Variants in PLXNA4 observed in about 807,000 individuals in gnomAD.
PLXNA4 encodes plexin A4.
PLXNA4 carries 44 observed loss-of-function variants against 191.8 expected under a neutral mutation model. The observed-to-expected ratio is 0.23, with a 90% confidence interval of 0.18 to 0.29. PLXNA4 has a LOEUF of 0.29. PLXNA4 is among the 10% of genes least tolerant of loss of function. PLXNA4 has a pLI of 1.00. For missense variants in PLXNA4, 1,800 were observed against 2,488.8 expected, an observed-to-expected ratio of 0.72 and a Z score of 5.89; for synonymous variants, 1,082 against 1,009.5, an observed-to-expected ratio of 1.07 and a Z score of -1.36.
chr7:132,562,813 CCTT>C (rs1563174788), intron 1 of PLXNA4, among the ~76,000 whole-genome samples: 5 of 120,842 alleles, frequency 4.1e-5, no homozygotes, highest in Non-Finnish European at 5.2e-5. Flanking sequence ...TTCTCCTCCT[CCTT>C]CTCCTCCTCC....
chr7:132,219,502 T>C (rs929701567), intron 9 of PLXNA4, among the ~76,000 whole-genome samples: 11 of 152,204 alleles, frequency 7.2e-5, no homozygotes, highest in African/African-American at 2.7e-4. Context: ...TCACAATGCC[T>C]TGAGTATGGT....
chr7:132,604,891 G>A (rs1248952415), intron 2 of PLXNA4, among the ~76,000 whole-genome samples: 1 of 152,088 alleles, frequency 6.6e-6, no homozygotes, highest in African/African-American at 2.4e-5. Context: ...GCCTCTCCCT[G>A]GGACTCAACC....
chr7:132,368,162 G>A (rs1336013000), intron 3 of PLXNA4, among the ~76,000 whole-genome samples: 1 of 152,156 alleles, frequency 6.6e-6, no homozygotes, highest in African/African-American at 2.4e-5. Context: ...CAATGTCAAT[G>A]CTGGGCGTGA....
chr7:132,516,471 A>G lies in PLXNA4; in HGVS notation c.-86-7692T>C, dbSNP rs78953511. On this transcript the variant is annotated intron_variant, in intron 1 of 31. Coordinates refer to ENST00000321063, the MANE Select transcript of PLXNA4 (RefSeq NM_020911.2). ...GAAATCAGTATGGACCTGGTTGAAC[A>G]GAAGAAGCTGAGCCTGAAAATAAAA... 6.4e-3 allele frequency among the ~76,000 whole-genome samples: 976 copies of G among 152,284 alleles called. 5 individuals carry two copies. The highest frequency in any genetic ancestry group is 0.022 in the African/African-American group (933 of 41,558).
intron 3 of PLXNA4, among the ~76,000 whole-genome samples, chr7:132,300,646 G>A (rs1801269391): frequency 6.6e-6 from 1 of 152,156 alleles, no homozygotes; most frequent in East Asian, 1.9e-4. Context: ...GATGAAACAG[G>A]AGTTCATGCA....
In PLXNA4 at chr7:132,604,279, G is replaced by A. The variant is rs76535675; in HGVS notation, c.-87+41649C>T. Among the ~76,000 whole-genome samples the A allele has an allele frequency of 3.0e-3, 459 of 152,270 alleles. 2 individuals are homozygous for A. The highest frequency in any genetic ancestry group is 4.7e-3 in the Non-Finnish European group (323 of 68,016). On this transcript the variant is annotated intron_variant, in intron 2 of 4. Transcript: ENST00000378539. ...AACTCCCACTAGCTCAGGAGCTGAT[G>A]GGGACCCTGTGCTCTGCCAACCAGC...
chr7:132,475,772 C>G (rs372144041), intron 3 of PLXNA4, among the ~76,000 whole-genome samples: 2 of 152,092 alleles, frequency 1.3e-5, no homozygotes, highest in African/African-American at 2.4e-5. Flanking sequence ...AAAAAGCAAC[C>G]GGGAGACTGA....
chr7:132,422,337 C>T (rs1794878557), intron 3 of PLXNA4, among the ~76,000 whole-genome samples: 1 of 152,194 alleles, frequency 6.6e-6, no homozygotes, highest in South Asian at 2.1e-4. Context: ...TCTACTGGGT[C>T]CCTCCAGATT....
intron 1 of PLXNA4, among the ~76,000 whole-genome samples, chr7:132,559,960 C>G (rs749632896): frequency 1.3e-5 from 2 of 152,104 alleles, no homozygotes; most frequent in Non-Finnish European, 2.9e-5. Context: ...AGGGGCTGCC[C>G]CACCTAAAGG....
intron 2 of PLXNA4, among the ~76,000 whole-genome samples, chr7:132,612,997 A>C (rs1399221687): frequency 6.6e-6 from 1 of 152,176 alleles, no homozygotes; most frequent in African/African-American, 2.4e-5. Flanking sequence ...GAAAAAAAAA[A>C]CGGACTTAAT....
chr7:132,174,634 C>CT, intron 21 of PLXNA4, 144 bp downstream of exon 21: 1 of 1,282,344 alleles, frequency 7.8e-7, no homozygotes, highest in African/African-American at 1.5e-5. Context: ...GAGGGATGGA[C>CT]TGGTGCTGAC....
At chr7:132,203,854 T>A (rs1797524705) in intron 10 of PLXNA4, among the ~76,000 whole-genome samples, 2 of 152,134 alleles carry the variant, frequency 1.3e-5, no homozygotes. Flanking sequence ...GCAATTAGAT[T>A]GGGGAACTCT....
chr7:132,407,417 A>G (rs1445928632), intron 3 of PLXNA4, among the ~76,000 whole-genome samples: 1 of 152,084 alleles, frequency 6.6e-6, no homozygotes, highest in Admixed American at 6.5e-5. Flanking sequence ...TTGATCCGGC[A>G]CTCTGGATTT....
At chr7:132,429,453 A>G (rs1795179957) in intron 3 of PLXNA4, among the ~76,000 whole-genome samples, 1 of 152,188 alleles carries the variant, frequency 6.6e-6, no homozygotes, top group Non-Finnish European at 1.5e-5. Flanking sequence ...CAACAACTCA[A>G]CTTTGCCATC....
chr7:132,210,914 T>C (rs770940374), intron 10 of PLXNA4, 29 bp downstream of exon 10: 1 of 1,601,204 alleles, frequency 6.2e-7, no homozygotes, highest in South Asian at 1.1e-5. Flanking sequence ...GGGGCCTGGT[T>C]TGGCAGTGGG....
At position 132,365,358 on chromosome 7, in the gene PLXNA4, T is replaced by TGCGCGC. The variant is rs1554424500; in HGVS notation, c.1372-67137_1372-67136insGCGCGC. Among the ~76,000 whole-genome samples the TGCGCGC allele has an allele frequency of 6.7e-3, 895 of 133,646 alleles. 11 individuals are homozygous for TGCGCGC. Among genetic ancestry groups the TGCGCGC allele is most frequent in the African/African-American group, 0.029 (853 of 29,132 alleles). 87.7% of individuals were successfully genotyped at this position (133,646 alleles called of 152,430 possible). On this transcript the variant is annotated intron_variant, in intron 3 of 31. Coordinates refer to ENST00000321063, the MANE Select transcript of PLXNA4 (RefSeq NM_020911.2). ...GTGTGTGTGTGTGTGTGTGTGTGTG[T>TGCGCGC]GTGCGTGCGCGCGCATGCATGGGGC...
rs1438345066 is a variant in PLXNA4 at position 132,130,562 on chromosome 7, G to A, written c.5602C>T (p.Leu1868=). Residue 1868 remains leucine, a synonymous_variant, in exon 32 of 32, where the codon CTG becomes TTG. Transcript: ENST00000321063. ...GKYSEEILGP[L]DHDDQCGKQK... Reference sequence around the variant, plus strand: ...TTCCCACACTGGTCATCGTGGTCCAGAGGTCCAAGGATCTGCGGAAGGGCC... The same window carrying A: ...TTCCCACACTGGTCATCGTGGTCCAAAGGTCCAAGGATCTGCGGAAGGGCC... 3.1e-6 allele frequency: 5 copies of A among 1,614,030 alleles called. No homozygotes were observed. Among genetic ancestry groups the A allele is most frequent in the Admixed American group, 1.7e-5 (1 of 60,004 alleles).
At position 132,514,147 on chromosome 7, in the gene PLXNA4, G is replaced by A. The variant is rs1224380025; in HGVS notation, c.-86-5368C>T. On this transcript the variant is annotated intron_variant, in intron 1 of 31. Coordinates refer to ENST00000321063, the MANE Select transcript of PLXNA4 (RefSeq NM_020911.2). ...GCTCACTGCAAGCTCTGCCTCCTGG[G>A]TTCATGCCATTCTCCTACCTCAGCC... Among the ~76,000 whole-genome samples, 10 of 151,648 alleles carry A rather than the reference G, an allele frequency of 6.6e-5. No individual in the cohort carries two copies. The East Asian group carries it at 1.2e-3, about 18-fold the overall frequency.
At chr7:132,507,474 C>T (rs746992978) in intron 2 of PLXNA4, 32 bp downstream of exon 2, 1 of 1,572,196 alleles carries the variant, frequency 6.4e-7, no homozygotes, top group Non-Finnish European at 8.6e-7. Context: ...ACACTCCCAA[C>T]CATCCCAGCG....
Sources: allele counts gnomAD v4.1 joint callset (sites outside exome capture counted in the v4.1 genomes callset), GRCh38; gene constraint gnomAD v4.1.1; transcripts MANE v1.5; gene names NCBI Gene and HGNC (gene_info 2026-07-23, HGNC 2026-07-21).